Variants in ZDHHC18 observed in about 807,000 individuals in gnomAD.
ZDHHC18 encodes the protein zDHHC palmitoyltransferase 18.
Under a neutral mutation model 37.5 loss-of-function variants are expected in ZDHHC18, and 23 were observed. The ratio of observed to expected loss-of-function variants is 0.61; its 90% CI spans 0.44 to 0.87. The LOEUF (loss-of-function observed/expected upper bound fraction) is 0.87. Among genes scored for constraint, ZDHHC18 ranks in the 40% least tolerant of loss-of-function variants. The pLI, the probability that ZDHHC18 is intolerant of heterozygous loss-of-function variation, is 0.00. For synonymous variants in ZDHHC18, 185 were observed against 218.7 expected (o/e 0.85, Z 1.36); for missense variants, 406 against 525.6 (o/e 0.77, Z 2.22).
intron 1 of ZDHHC18, among the ~76,000 whole-genome samples, chr1:26,829,368 C>CTCTGTCCCCTGCTGTCT (rs2081573860): frequency 6.6e-6 from 1 of 152,134 alleles, no homozygotes; most frequent in Non-Finnish European, 1.5e-5. Context: ...CCTCCCTGGC[C>CTCTGTCCCCTGCTGTCT]TCTGTCCCCT....
At chr1:26,833,663 A>G (rs1190650741) in intron 2 of ZDHHC18, among the ~76,000 whole-genome samples, 2 of 152,144 alleles carry the variant, frequency 1.3e-5, no homozygotes, top group Non-Finnish European at 2.9e-5. Context: ...CCCTAATCTC[A>G]GCTTGCTGCA....
intron 2 of ZDHHC18, among the ~76,000 whole-genome samples, chr1:26,842,562 A>G (rs1211107644): frequency 1.3e-5 from 2 of 152,228 alleles, no homozygotes; most frequent in African/African-American, 4.8e-5. Flanking sequence ...AGAGAAGTTC[A>G]TTTGACTTCA....
At chr1:26,834,171 G>A (rs778389651) in intron 2 of ZDHHC18, among the ~76,000 whole-genome samples, 21 of 152,290 alleles carry the variant, frequency 1.4e-4, no homozygotes, top group Middle Eastern at 3.4e-3. Context: ...CAGCTCAGCC[G>A]GACCCAGAGG....
At chr1:26,846,245 TATAG>T (rs1385245892) in intron 2 of ZDHHC18, among the ~76,000 whole-genome samples, 1 of 121,248 alleles carries the variant, frequency 8.2e-6, no homozygotes, top group Non-Finnish European at 1.8e-5. Flanking sequence ...GAGAGAGATA[TATAG>T]ATATATATCT....
chr1:26,846,233 G>GTGTATATAT (rs72027567), intron 2 of ZDHHC18, among the ~76,000 whole-genome samples: 91,866 of 119,214 alleles, frequency 0.77, 33,365 homozygotes, highest in East Asian at 0.99. Context: ...TGTGTATATA[G>GTGTATATAT]AGAGAGAGAT....
At position 26,844,837 on chromosome 1, in the gene ZDHHC18, G is replaced by A. The variant is rs112180090; in HGVS notation, c.497-3771G>A. ...GTTTGGACAGCCTCTTTTATGAGAT[G>A]CCTACTTAAGTCTTTTGTCCGTATT... On this transcript the variant is annotated intron_variant, in intron 2 of 7. Coordinates refer to ENST00000374142, the MANE Select transcript of ZDHHC18 (RefSeq NM_032283.3). Among the ~76,000 whole-genome samples, 23 of 151,726 alleles carry A rather than the reference G, an allele frequency of 1.5e-4. 1 individual carries two copies. Among genetic ancestry groups the A allele is most frequent in the African/African-American group, 5.6e-4 (23 of 41,350 alleles).
At chr1:26,851,636 G>A (rs1171050187) in intron 6 of ZDHHC18, among the ~76,000 whole-genome samples, 3 of 152,238 alleles carry the variant, frequency 2.0e-5, no homozygotes, top group African/African-American at 7.2e-5. Flanking sequence ...CGATGACTGA[G>A]AGACATGTCC....
chr1:26,826,911 GGCCCGCGCC>G lies in ZDHHC18; in HGVS notation c.114_122del (p.Pro39_Ala41del). On this transcript the variant is annotated inframe_deletion, in exon 1 of 8. Transcript: ENST00000374142. This position sits in a 1 kb window ranked among gnomAD's most constrained non-coding sequence, Gnocchi z 5.2. ...GCCGCGTCCCCGACTCCGGGCCCCG[GGCCCGCGCC>G]GCCCGCCGCCCCCGCCCCGCCGCGC... 1.0e-6 allele frequency: 1 copy of G among 992,460 alleles called. No individual in the cohort carries two copies. The highest frequency in any genetic ancestry group is 1.2e-6 in the Non-Finnish European group (1 of 836,488). The allele number at this position is 992,460 out of a possible 1,614,324, so 61.5% of individuals were successfully genotyped here. A position where few individuals can be genotyped will look rare whatever the true frequency, so the allele number is the denominator to read the frequency against.
chr1:26,846,806 A>G (rs1048485119), intron 2 of ZDHHC18, among the ~76,000 whole-genome samples: 19 of 152,176 alleles, frequency 1.2e-4, no homozygotes, highest in African/African-American at 4.1e-4. Flanking sequence ...TACTTTACCT[A>G]TAAATATTTC....
chr1:26,827,290 C>G, intron 1 of ZDHHC18, 151 bp downstream of exon 1: 3 of 606,708 alleles, frequency 4.9e-6, no homozygotes, highest in Non-Finnish European at 7.3e-6. Flanking sequence ...TCTTGTCTGC[C>G]CCCCTGGCCC....
Position 26,856,475 on chromosome 1 carries a change from G to T in ZDHHC18, c.*2632G>T. 1 of 250,972 alleles carries T rather than the reference G, an allele frequency of 4.0e-6. No individual in the cohort carries two copies. Among genetic ancestry groups the T allele is most frequent in the South Asian group, 3.5e-5 (1 of 28,498 alleles). The allele number at this position is 250,972 out of a possible 1,614,324, so 15.5% of individuals were successfully genotyped here. A position where few individuals can be genotyped will look rare whatever the true frequency, so the allele number is the denominator to read the frequency against. On this transcript the variant is annotated 3_prime_UTR_variant, in exon 8 of 8. Transcript: ENST00000374142. This position sits in a 1 kb window ranked among gnomAD's most constrained non-coding sequence, Gnocchi z 5.2. ...AGGCTAAAAGCCCAGCCCCATTGTG[G>T]ACTGAGGAAGTAGCTTCTCGCAGAG... is the stretch of plus-strand genomic sequence containing the variant.
At chr1:26,853,594 A>G in intron 7 of ZDHHC18, 132 bp from the exon 8 acceptor site, 6 of 857,792 alleles carry the variant, frequency 7.0e-6, no homozygotes, top group Non-Finnish European at 1.1e-5. Context: ...CCAGATGGGC[A>G]GCAGCTCTCC....
At position 26,853,712 on chromosome 1, in the gene ZDHHC18, T is replaced by A. The variant is rs1370261580; in HGVS notation, c.1050-14T>A. ...TGGGCAGAGCCCTCATGTGTCTCCC[T>A]TGTGTTTTGGAAGCCTAATTGACCG... On this transcript the variant is annotated splice_polypyrimidine_tract_variant and intron_variant, in intron 7 of 7. Coordinates refer to ENST00000374142, the MANE Select transcript of ZDHHC18 (RefSeq NM_032283.3). 1 of 1,612,700 alleles carries A rather than the reference T, an allele frequency of 6.2e-7. No homozygotes were observed. Among genetic ancestry groups the A allele is most frequent in the Admixed American group, 1.7e-5 (1 of 59,996 alleles).
At chr1:26,831,995 T>A (rs752166868) in intron 1 of ZDHHC18, 3 of 155,366 alleles carry the variant, frequency 1.9e-5, no homozygotes, top group Admixed American at 6.4e-5. Context: ...TCTTGTCTTA[T>A]CCGTCGTCAT....
intron 2 of ZDHHC18, among the ~76,000 whole-genome samples, chr1:26,841,095 G>A (rs1025318801): frequency 6.6e-6 from 1 of 152,140 alleles, no homozygotes; most frequent in African/African-American, 2.4e-5. Flanking sequence ...TCTTGCCTCA[G>A]CCTCCCGAGT....
chr1:26,851,366 C>A, intron 6 of ZDHHC18, 135 bp downstream of exon 6: 2 of 788,572 alleles, frequency 2.5e-6, no homozygotes, highest in Non-Finnish European at 4.2e-6. Flanking sequence ...CAGCCAGATG[C>A]CTCCCAGTCA....
At chr1:26,843,140 T>C (rs1194719686) in intron 2 of ZDHHC18, among the ~76,000 whole-genome samples, 1 of 151,718 alleles carries the variant, frequency 6.6e-6, no homozygotes, top group Non-Finnish European at 1.5e-5. Flanking sequence ...TTTCTTTCTT[T>C]TTTTTTTTTT....
chr1:26,829,110 G>T (rs925456043), intron 1 of ZDHHC18, among the ~76,000 whole-genome samples: 1 of 152,146 alleles, frequency 6.6e-6, no homozygotes, highest in Non-Finnish European at 1.5e-5. Flanking sequence ...CCTCATTGGG[G>T]GCTGGTAGAT....
intron 2 of ZDHHC18, among the ~76,000 whole-genome samples, chr1:26,844,841 A>G (rs761864972): frequency 6.6e-6 from 1 of 151,174 alleles, no homozygotes; most frequent in Non-Finnish European, 1.5e-5. Context: ...TGAGATGCCT[A>G]CTTAAGTCTT....
Sources: gnomAD v4.1 joint callset for allele counts (sites outside exome capture counted in the v4.1 genomes callset) on GRCh38, gnomAD v4.1.1 for gene constraint, Gnocchi (gnomAD v3.1) non-coding constraint, MANE v1.5 for transcripts, NCBI Gene and HGNC (gene_info 2026-07-23, HGNC 2026-07-21) for gene names.